The following MYO18B variants were observed in gnomAD, a reference collection of about 807,000 sequenced individuals.
MYO18B encodes myosin XVIIIB.
Under a neutral mutation model 273.0 loss-of-function variants are expected in MYO18B, and 204 were observed. That is an observed-to-expected ratio of 0.75 (90% confidence interval 0.67 to 0.84). The LOEUF (loss-of-function observed/expected upper bound fraction) is 0.84, where lower values mean the gene tolerates loss of function less well. Ranked by LOEUF, MYO18B falls within the 40% of genes least tolerant of loss-of-function variation. MYO18B has a pLI of 0.00. For missense variants in MYO18B, 3,212 were observed against 3,287.6 expected, an observed-to-expected ratio of 0.98 and a Z score of 0.56; for synonymous variants, 1,330 against 1,305.7, an observed-to-expected ratio of 1.02 and a Z score of -0.40.
intron 5 of MYO18B, 130 bp from the exon 6 acceptor site, chr22:25,770,742 C>A: frequency 1.5e-6 from 1 of 651,458 alleles, no homozygotes; most frequent in Non-Finnish European, 2.7e-6. Flanking sequence ...AAATGGAGAC[C>A]TGTCCCAAGC....
chr22:25,771,014 A>G, intron 6 of MYO18B, 30 bp downstream of exon 6: 1 of 1,466,198 alleles, frequency 6.8e-7, no homozygotes, highest in East Asian at 2.5e-5. Flanking sequence ...GTCCCCCAGC[A>G]TGAGTCCCCT....
chr22:26,017,082 CCTCT>C (rs1935405304), intron 42 of MYO18B, among the ~76,000 whole-genome samples: 1 of 113,392 alleles, frequency 8.8e-6, no homozygotes, highest in African/African-American at 3.7e-5. Context: ...CCTCTCTGTG[CCTCT>C]CCCTCCCTCC....
At chr22:26,048,319 T>A in the MYO18B span, among the ~76,000 whole-genome samples, 1 of 152,212 alleles carries the variant, frequency 6.6e-6, no homozygotes, top group African/African-American at 2.4e-5. Flanking sequence ...GTCCCCAGAC[T>A]CTAGACCAAT....
intron 6 of MYO18B, 50 bp downstream of exon 6, chr22:25,771,034 C>G (rs1245806390): frequency 7.9e-7 from 1 of 1,267,584 alleles, no homozygotes; most frequent in Non-Finnish European, 1.1e-6. Context: ...TGTCCCACTT[C>G]ACCCCAGCTC....
intron 31 of MYO18B, 61 bp from the exon 32 acceptor site, chr22:25,908,261 A>G: frequency 7.6e-7 from 1 of 1,319,186 alleles, no homozygotes; most frequent in Admixed American, 2.0e-5. Context: ...CAAGGATGAC[A>G]TGGAGGGCTT....
chr22:25,763,026 C>T, intron 2 of MYO18B: 1 of 748,966 alleles, frequency 1.3e-6, no homozygotes, highest in Non-Finnish European at 2.5e-6. Flanking sequence ...TCCTGGCTGC[C>T]CCTGTGTTCC....
intron 8 of MYO18B, among the ~76,000 whole-genome samples, chr22:25,778,860 T>G (rs954815839): frequency 6.6e-5 from 10 of 152,044 alleles, no homozygotes; most frequent in African/African-American, 2.4e-4. Flanking sequence ...TTTTATAGAT[T>G]GAAGGCATTG....
intron 12 of MYO18B, among the ~76,000 whole-genome samples, chr22:25,813,206 C>G (rs544349645): frequency 8.0e-6 from 1 of 124,968 alleles, no homozygotes; most frequent in East Asian, 2.5e-4. Context: ...TTTTTTGAGA[C>G]GGAGTTTCGC....
chr22:25,890,947 T>C, intron 26 of MYO18B, 72 bp downstream of exon 26: 1 of 1,548,394 alleles, frequency 6.5e-7, no homozygotes, highest in Non-Finnish European at 8.7e-7. Flanking sequence ...TCCCCGACCC[T>C]CTCATTGGAG....
At chr22:25,989,855 A>G (rs2093245451) in intron 39 of MYO18B, among the ~76,000 whole-genome samples, 1 of 151,366 alleles carries the variant, frequency 6.6e-6, no homozygotes, top group Admixed American at 6.6e-5. Context: ...TTCTAGGTGC[A>G]TTTATGAGCT....
intron 25 of MYO18B, among the ~76,000 whole-genome samples, chr22:25,890,507 C>T (rs1361768219): frequency 1.3e-5 from 2 of 152,128 alleles, no homozygotes; most frequent in East Asian, 1.9e-4. Flanking sequence ...TTGTTTTCCC[C>T]CCTTTAAAGC....
chr22:25,926,723 T>C (rs1391675872), intron 34 of MYO18B, among the ~76,000 whole-genome samples: 1 of 152,152 alleles, frequency 6.6e-6, no homozygotes, highest in Non-Finnish European at 1.5e-5. Flanking sequence ...GCTACAGGGA[T>C]AAAGAGGAAA....
intron 12 of MYO18B, among the ~76,000 whole-genome samples, 156 bp downstream of exon 12, chr22:25,798,253 G>A (rs552492647): frequency 4.6e-5 from 7 of 152,272 alleles, no homozygotes; most frequent in East Asian, 1.9e-4. Context: ...ACTAGGCGTC[G>A]TGAGGAGGAC....
intron 1 of MYO18B, among the ~76,000 whole-genome samples, chr22:25,758,404 A>G (rs2086195023): frequency 6.6e-6 from 1 of 151,320 alleles, no homozygotes; most frequent in Non-Finnish European, 1.5e-5. Flanking sequence ...TTGTAGCGAC[A>G]TTATTCGTAG....
At chr22:26,050,506 T>A in the MYO18B span, among the ~76,000 whole-genome samples, 35 of 152,202 alleles carry the variant, frequency 2.3e-4, 4 homozygotes, top group South Asian at 5.4e-3. Context: ...ACAAAACTAT[T>A]TGAACAGATG....
intron 39 of MYO18B, among the ~76,000 whole-genome samples, chr22:25,968,807 C>G (rs182740214): frequency 6.6e-6 from 1 of 152,236 alleles, no homozygotes; most frequent in East Asian, 1.9e-4. Context: ...TAAAACGGAC[C>G]AGACGACTTT....
At chr22:25,968,008 G>A (rs1028914244) in intron 39 of MYO18B, among the ~76,000 whole-genome samples, 3 of 152,132 alleles carry the variant, frequency 2.0e-5, no homozygotes, top group Non-Finnish European at 2.9e-5. Flanking sequence ...GCACACCACC[G>A]ACTGAATCCC....
intron 25 of MYO18B, 149 bp from the exon 26 acceptor site, chr22:25,890,607 T>C: frequency 8.6e-7 from 1 of 1,163,604 alleles, no homozygotes; most frequent in East Asian, 2.6e-5. Context: ...AATAAAATTC[T>C]GAAGTCCATC....
chr22:25,822,259 T>G (rs888039232), intron 12 of MYO18B, among the ~76,000 whole-genome samples: 2 of 152,210 alleles, frequency 1.3e-5, no homozygotes, highest in African/African-American at 4.8e-5. Context: ...CTTTATGTAG[T>G]ACCTCCTTCT....
Sources: allele counts gnomAD v4.1 joint callset (sites outside exome capture counted in the v4.1 genomes callset), GRCh38; gene constraint gnomAD v4.1.1; transcripts MANE v1.5; gene names NCBI Gene and HGNC (gene_info 2026-07-23, HGNC 2026-07-21).